The following CEP83 variants were observed in gnomAD, a reference collection of about 807,000 sequenced individuals.
CEP83 encodes the protein centrosomal protein 83.
Under a neutral mutation model 101.9 loss-of-function variants are expected in CEP83, and 70 were observed. That is an observed-to-expected ratio of 0.69 (90% CI 0.57 to 0.84). CEP83 has a LOEUF of 0.84. Ranked by LOEUF, CEP83 falls within the 40% of genes least tolerant of loss-of-function variation. CEP83 has a pLI of 0.00. For synonymous variants in CEP83, 264 were observed against 267.9 expected, an observed-to-expected ratio of 0.99 and a Z score of 0.14; for missense variants, 715 against 787.2, an observed-to-expected ratio of 0.91 and a Z score of 1.10.
chr12:94,415,669 T>C (rs989368894), intron 2 of CEP83, among the ~76,000 whole-genome samples: 1 of 140,098 alleles, frequency 7.1e-6, no homozygotes, highest in African/African-American at 2.7e-5. Context: ...TAAATTTACA[T>C]GCACTTACTA....
chr12:94,419,071 T>C (rs1043847869), intron 2 of CEP83, among the ~76,000 whole-genome samples: 1 of 151,918 alleles, frequency 6.6e-6, no homozygotes, highest in Non-Finnish European at 1.5e-5. Context: ...AAAAAATCTT[T>C]ATATACACAT....
Position 94,395,698 on chromosome 12 carries a change from G to A in CEP83, c.549+5152C>T, listed in dbSNP as rs186067664. On this transcript the variant is annotated intron_variant, in intron 6 of 16. Transcript: ENST00000397809. ...AATTAGCCAGGCATGGTGGGTGCCT[G>A]TAGTCCCAGCTACTCGGGAGGCTGA... Among the ~76,000 whole-genome samples the A allele has an allele frequency of 3.4e-3, 514 of 152,248 alleles. 4 individuals are homozygous for A. The highest frequency in any genetic ancestry group is 3.1e-3 in the Non-Finnish European group (213 of 68,016).
At chr12:94,366,328 T>C (rs539718258) in intron 11 of CEP83, among the ~76,000 whole-genome samples, 2 of 152,110 alleles carry the variant, frequency 1.3e-5, no homozygotes, top group African/African-American at 2.4e-5. Context: ...AAATCCTAAG[T>C]AACTTTGGAA....
chr12:94,412,916 T>G (rs2063994521), intron 2 of CEP83, among the ~76,000 whole-genome samples: 1 of 151,494 alleles, frequency 6.6e-6, no homozygotes, highest in Admixed American at 6.6e-5. Flanking sequence ...ACAGTGGCGC[T>G]ATCTCGACTC....
chr12:94,360,581 T>C (rs895227877), intron 11 of CEP83, among the ~76,000 whole-genome samples: 1 of 151,942 alleles, frequency 6.6e-6, no homozygotes, highest in African/African-American at 2.4e-5. Context: ...AGGAAAACTA[T>C]AAAATACTGA....
rs1205135873 is a variant in CEP83, at chr12:94,396,659, A to G, written c.549+4191T>C. 2.0e-5 allele frequency among the ~76,000 whole-genome samples: 3 copies of G among 152,230 alleles called. No homozygotes were observed. In the East Asian group the frequency reaches 5.8e-4, roughly 29 times the overall value. ...TTTCATATATTCTTTTTAGTTTATA[A>G]TATCATCAGGGACATGTGTATTCCT... is the stretch of plus-strand genomic sequence containing the variant. On this transcript the variant is annotated intron_variant, in intron 6 of 16. Transcript: ENST00000397809.
At chr12:94,439,339 G>A (rs548069932) in intron 1 of CEP83, among the ~76,000 whole-genome samples, 2 of 152,014 alleles carry the variant, frequency 1.3e-5, no homozygotes, top group South Asian at 4.2e-4. Flanking sequence ...CAAAATAGGA[G>A]ATATCAAAAG....
At position 94,392,382 on chromosome 12, in the gene CEP83, A is replaced by T. The variant is rs529277805; in HGVS notation, c.549+8468T>A. On this transcript the variant is annotated intron_variant, in intron 6 of 16. Transcript: ENST00000397809. ...ATGGAAACTGAACAACTTGCTCCTG[A>T]ATGACTACTGGGTAAATAACGAAAT... Among the ~76,000 whole-genome samples, 12 of 152,362 alleles carry T rather than the reference A, an allele frequency of 7.9e-5. No individual in the cohort carries two copies. The East Asian group carries it at 2.3e-3, about 29-fold the overall frequency.
chr12:94,304,199 C>G (rs1968771968), downstream of CEP83: 7 of 593,994 alleles, frequency 1.2e-5, no homozygotes, highest in East Asian at 2.0e-4. Flanking sequence ...GATCCTGGCA[C>G]TGAGCCAGAC....
intron 1 of CEP83, among the ~76,000 whole-genome samples, chr12:94,452,329 T>C (rs542637032): frequency 9.5e-4 from 144 of 152,240 alleles, no homozygotes; most frequent in African/African-American, 3.0e-3. Flanking sequence ...GTGGTTTTTA[T>C]GGTAGGTAAA....
chr12:94,428,792 G>T (rs914595435), intron 2 of CEP83, among the ~76,000 whole-genome samples: 3 of 152,160 alleles, frequency 2.0e-5, no homozygotes, highest in African/African-American at 7.2e-5. Flanking sequence ...AAAGGGTTTT[G>T]AGAGATATAA....
At chr12:94,298,858 AAGAC>A in the CEP83 span, 1 of 1,367,500 alleles carries the variant, frequency 7.3e-7, no homozygotes, top group Non-Finnish European at 1.0e-6. Flanking sequence ...AACTAAAAGA[AAGAC>A]ATAGATAGTT....
chr12:94,390,278 T>G (rs995837772), intron 6 of CEP83, among the ~76,000 whole-genome samples: 2 of 152,124 alleles, frequency 1.3e-5, no homozygotes, highest in African/African-American at 4.8e-5. Flanking sequence ...AGAGGAAGGA[T>G]TAGGCAACAA....
intron 2 of CEP83, among the ~76,000 whole-genome samples, chr12:94,416,446 A>G (rs1001090328): frequency 9.2e-5 from 14 of 152,096 alleles, no homozygotes; most frequent in Admixed American, 7.9e-4. Flanking sequence ...ATTCAGACAA[A>G]TAAGTCTTGA....
At chr12:94,386,440 ACT>A (rs1221492877) in intron 6 of CEP83, among the ~76,000 whole-genome samples, 3 of 152,074 alleles carry the variant, frequency 2.0e-5, no homozygotes, top group Non-Finnish European at 4.4e-5. Context: ...GCTCTGCAAT[ACT>A]CTGCTTTTCA....
intron 13 of CEP83, among the ~76,000 whole-genome samples, chr12:94,333,169 T>C (rs745734716): frequency 2.0e-5 from 3 of 152,034 alleles, no homozygotes; most frequent in Non-Finnish European, 4.4e-5. Context: ...TTCTCTGGCA[T>C]TCAGAAGAAT....
intron 1 of CEP83, among the ~76,000 whole-genome samples, chr12:94,440,992 A>C (rs2138371975): frequency 6.6e-6 from 1 of 152,358 alleles, no homozygotes; most frequent in South Asian, 2.1e-4. Flanking sequence ...AAAAGAATGA[A>C]AGTGGAATCT....
the CEP83 span, among the ~76,000 whole-genome samples, chr12:94,287,195 G>C: frequency 6.6e-6 from 1 of 152,256 alleles, no homozygotes; most frequent in Admixed American, 6.5e-5. Context: ...GTCCTGTGCA[G>C]ACAAAGGGTT....
chr12:94,393,159 A>T (rs1443162747), intron 6 of CEP83, among the ~76,000 whole-genome samples: 2 of 152,112 alleles, frequency 1.3e-5, no homozygotes, highest in Non-Finnish European at 2.9e-5. Context: ...CAAAGCCTGG[A>T]AGAGACACAA....
Sources: allele counts gnomAD v4.1 joint callset (sites outside exome capture counted in the v4.1 genomes callset), GRCh38; gene constraint gnomAD v4.1.1; transcripts MANE v1.5; gene names NCBI Gene and HGNC (gene_info 2026-07-23, HGNC 2026-07-21).